CDH18: variants seen among roughly 807,000 people sequenced by gnomAD.
CDH18 encodes the protein cadherin 18.
CDH18 carries 31 observed loss-of-function variants against 67.9 expected under a neutral mutation model. The ratio of observed to expected loss-of-function variants is 0.46; its 90% confidence interval spans 0.34 to 0.62. The LOEUF (loss-of-function observed/expected upper bound fraction) is 0.62, where lower values mean the gene tolerates loss of function less well. Among genes scored for constraint, CDH18 ranks in the 20% least tolerant of loss-of-function variants. CDH18 has a pLI of 0.01. For synonymous variants in CDH18, 362 were observed against 347.2 expected, an observed-to-expected ratio of 1.04 and a Z score of -0.48; for missense variants, 890 against 975.5, an observed-to-expected ratio of 0.91 and a Z score of 1.17.
chr5:19,751,676 A>T (rs1279112559), intron 3 of CDH18, among the ~76,000 whole-genome samples: 1 of 152,254 alleles, frequency 6.6e-6, no homozygotes, highest in African/African-American at 2.4e-5. Flanking sequence ...AAGCAGTAAC[A>T]GTCTCTTGCT....
At chr5:19,587,973 T>C (rs1035997897) in intron 7 of CDH18, among the ~76,000 whole-genome samples, 12 of 152,044 alleles carry the variant, frequency 7.9e-5, no homozygotes, top group African/African-American at 2.9e-4. Context: ...TGAGCAGTGG[T>C]TTGTAGTTCT....
At chr5:20,115,264 C>T (rs966054073) in intron 2 of CDH18, among the ~76,000 whole-genome samples, 1 of 116,430 alleles carries the variant, frequency 8.6e-6, no homozygotes, top group African/African-American at 2.9e-5. Flanking sequence ...ACTCTCAGGG[C>T]CTCATCTTTT....
intron 1 of CDH18, among the ~76,000 whole-genome samples, chr5:20,416,381 A>T (rs1747310043): frequency 6.6e-6 from 1 of 152,128 alleles, no homozygotes; most frequent in Admixed American, 6.6e-5. Context: ...ATTATATTTT[A>T]TTTTAGAGAA....
At chr5:20,156,168 G>A (rs1751504921) in intron 2 of CDH18, among the ~76,000 whole-genome samples, 1 of 152,048 alleles carries the variant, frequency 6.6e-6, no homozygotes, top group South Asian at 2.1e-4. Flanking sequence ...AAGGAAAACA[G>A]CATGGAGATT....
intron 1 of CDH18, among the ~76,000 whole-genome samples, chr5:20,356,749 C>CTATATATATA (rs1287623869): frequency 3.1e-5 from 4 of 129,158 alleles, no homozygotes; most frequent in African/African-American, 1.3e-4. Flanking sequence ...CTCTCTCTCT[C>CTATATATATA]TCTCTATATA....
chr5:19,483,987 T>C (rs1284700218), intron 11 of CDH18, among the ~76,000 whole-genome samples: 1 of 152,146 alleles, frequency 6.6e-6, no homozygotes, highest in Non-Finnish European at 1.5e-5. Context: ...TGAGGTGAAG[T>C]TGATGCATAA....
chr5:20,245,188 A>G (rs1046321004), intron 2 of CDH18, among the ~76,000 whole-genome samples: 2 of 152,120 alleles, frequency 1.3e-5, no homozygotes, highest in African/African-American at 4.8e-5. Flanking sequence ...TTTTACCTTC[A>G]TACAAAACAA....
At chr5:20,029,220 A>C (rs1739174248) in intron 2 of CDH18, among the ~76,000 whole-genome samples, 1 of 152,274 alleles carries the variant, frequency 6.6e-6, no homozygotes, top group South Asian at 2.1e-4. Context: ...TAGTATGTGT[A>C]TATTAGTGCA....
intron 2 of CDH18, among the ~76,000 whole-genome samples, chr5:19,869,975 A>G (rs1786050787): frequency 6.6e-6 from 1 of 152,150 alleles, no homozygotes; most frequent in Non-Finnish European, 1.5e-5. Flanking sequence ...CATGTGGGAA[A>G]TTCAAGTTGT....
intron 9 of CDH18, among the ~76,000 whole-genome samples, chr5:19,527,465 A>T (rs1580010221): frequency 6.6e-6 from 1 of 151,746 alleles, no homozygotes; most frequent in East Asian, 1.9e-4. Flanking sequence ...ATCAGTAAAA[A>T]AAATCAAATA....
At chr5:19,937,228 A>G (rs1477277468) in intron 2 of CDH18, among the ~76,000 whole-genome samples, 1 of 151,374 alleles carries the variant, frequency 6.6e-6, no homozygotes, top group Non-Finnish European at 1.5e-5. Flanking sequence ...GAAAAGGGCC[A>G]GTTCTGGACA....
intron 2 of CDH18, among the ~76,000 whole-genome samples, chr5:20,144,008 A>T (rs1750443556): frequency 6.6e-6 from 1 of 152,162 alleles, no homozygotes; most frequent in Admixed American, 6.6e-5. Flanking sequence ...ATTGCATGGG[A>T]AGTAGACAAG....
At chr5:19,582,453 T>C (rs1054175489) in intron 7 of CDH18, among the ~76,000 whole-genome samples, 2 of 151,980 alleles carry the variant, frequency 1.3e-5, no homozygotes, top group South Asian at 2.1e-4. Context: ...TGCCTATAGA[T>C]GAACAGCATG....
chr5:20,317,294 G>A (rs1186395571), intron 1 of CDH18, among the ~76,000 whole-genome samples: 2 of 151,964 alleles, frequency 1.3e-5, no homozygotes, highest in East Asian at 3.9e-4. Context: ...TTATTTAAAT[G>A]CAATTTCATA....
In CDH18 at chr5:19,745,141, A is replaced by T. The variant is rs377099729; in HGVS notation, c.523+1801T>A. The stretch of plus-strand genomic sequence containing the variant: ...ATGTTTGTTTCTGTGGCTACTAGCT[A>T]CTTCTTCCAGTCAGTTATGATTTTA... On this transcript the variant is annotated intron_variant, in intron 4 of 12. Coordinates refer to ENST00000382275, the MANE Select transcript of CDH18 (RefSeq NM_004934.5). Among the ~76,000 whole-genome samples the T allele has an allele frequency of 2.3e-4, 35 of 152,278 alleles. 1 individual carries two copies. Among genetic ancestry groups the T allele is most frequent in the African/African-American group, 8.2e-4 (34 of 41,556 alleles).
intron 1 of CDH18, among the ~76,000 whole-genome samples, chr5:20,525,468 C>T (rs1755993075): frequency 6.6e-6 from 1 of 152,086 alleles, no homozygotes; most frequent in African/African-American, 2.4e-5. Flanking sequence ...CTCCATGTTC[C>T]AGGACACTTA....
chr5:20,219,310 T>C (rs1741031262), intron 2 of CDH18, among the ~76,000 whole-genome samples: 1 of 151,650 alleles, frequency 6.6e-6, no homozygotes, highest in Non-Finnish European at 1.5e-5. Context: ...AGAACAACAC[T>C]AGGTATCAAG....
At chr5:20,565,645 C>T (rs1350917159) in intron 1 of CDH18, among the ~76,000 whole-genome samples, 1 of 151,826 alleles carries the variant, frequency 6.6e-6, no homozygotes. Context: ...TATCCTGAGA[C>T]CTCTAGGTGG....
chr5:20,187,538 A>C (rs182094370), intron 2 of CDH18, among the ~76,000 whole-genome samples: 155 of 152,056 alleles, frequency 1.0e-3, no homozygotes, highest in Non-Finnish European at 1.8e-3. Context: ...AAAATAAAGA[A>C]GGAAATACAT....
Sources: gnomAD v4.1 joint callset for allele counts (sites outside exome capture counted in the v4.1 genomes callset) on GRCh38, gnomAD v4.1.1 for gene constraint, MANE v1.5 for transcripts, NCBI Gene and HGNC (gene_info 2026-07-23, HGNC 2026-07-21) for gene names.